The following SCP2 variants were observed in gnomAD, a reference collection of about 807,000 sequenced individuals.
SCP2 encodes SCP-2/3-oxoacyl-CoA thiolase.
A neutral mutation model predicts 71.4 loss-of-function variants in SCP2; 48 were observed. That is an observed-to-expected ratio of 0.67 (90% CI 0.53 to 0.86). The LOEUF is 0.86. Ranked by LOEUF, SCP2 falls within the 40% of genes least tolerant of loss-of-function variation. SCP2 has a pLI of 0.00. For missense variants in SCP2, 560 were observed against 655.6 expected (o/e 0.85, Z 1.59); for synonymous variants, 220 against 218.1 (o/e 1.01, Z -0.08).
chr1:52,950,732 A>G (rs771669573), intron 3 of SCP2, 23 bp from the exon 4 acceptor site: 16 of 1,605,532 alleles, frequency 1.0e-5, no homozygotes, highest in Admixed American at 6.7e-5. Context: ...TCTCCATATT[A>G]AAATTTTTGT....
At chr1:53,025,700 G>A (rs1662081063) in intron 12 of SCP2, among the ~76,000 whole-genome samples, 1 of 152,118 alleles carries the variant, frequency 6.6e-6, no homozygotes, top group Non-Finnish European at 1.5e-5. Context: ...TGTAGTCCAG[G>A]CCACCATCAC....
At chr1:52,974,493 T>C (rs560343411) in intron 6 of SCP2, among the ~76,000 whole-genome samples, 1 of 152,178 alleles carries the variant, frequency 6.6e-6, no homozygotes, top group African/African-American at 2.4e-5. Context: ...GTTTCTTGTT[T>C]TTGAAACTGG....
At chr1:53,022,730 G>C (rs6588450) in intron 12 of SCP2, among the ~76,000 whole-genome samples, 20,869 of 152,106 alleles carry the variant, frequency 0.14, 2,039 homozygotes, top group East Asian at 0.32. Flanking sequence ...TAAGGAGAGA[G>C]AGCCTTGAGT....
Position 52,988,038 on chromosome 1 carries a change from C to T in SCP2, c.983C>T (p.Ala328Val). 1.3e-6 allele frequency: 2 copies of T among 1,550,320 alleles called. No homozygotes were observed. Among genetic ancestry groups the T allele is most frequent in the South Asian group, 1.1e-5 (1 of 89,636 alleles). Reference sequence around the variant, plus strand: ...ATTTTTTCTTCTATAGGACAAGGTGCAACGCTGGTTGATAGAGGAGATAAT... The same window carrying T: ...ATTTTTTCTTCTATAGGACAAGGTGTAACGCTGGTTGATAGAGGAGATAAT... ...ALGLCPEGQG[A>V]TLVDRGDNTY... The change falls in exon 11 of 16, where the codon GCA becomes GTA. Residue 328 changes from alanine (A) to valine (V), a missense_variant. Ala to Val is a moderately conservative substitution (Grantham distance 64). This residue lies in a region of SCP2 where 513 missense variants were observed against 573.1 expected (regional missense o/e 0.90). Coordinates refer to ENST00000371514, the MANE Select transcript of SCP2 (RefSeq NM_002979.5).
chr1:53,031,428 C>T lies in SCP2; in HGVS notation c.1338+3357C>T, dbSNP rs116197074. Among the ~76,000 whole-genome samples the T allele has an allele frequency of 5.4e-3, 815 of 152,310 alleles. 4 individuals carry two copies. The highest frequency in any genetic ancestry group is 0.011 in the African/African-American group (458 of 41,578). On this transcript the variant is annotated intron_variant, in intron 13 of 15. Coordinates refer to ENST00000371514, the MANE Select transcript of SCP2 (RefSeq NM_002979.5). Reference sequence around the variant, plus strand: ...AAAGTCTTGGAATCTTTTGTCAATTCATGCATTTTCTGCATTAGCAAAGGC... The same window carrying T: ...AAAGTCTTGGAATCTTTTGTCAATTTATGCATTTTCTGCATTAGCAAAGGC...
chr1:53,023,540 C>T (rs1661896217), intron 12 of SCP2, among the ~76,000 whole-genome samples: 1 of 152,182 alleles, frequency 6.6e-6, no homozygotes, highest in African/African-American at 2.4e-5. Context: ...TTGCTGGGAA[C>T]TGGCAATACA....
At chr1:52,964,053 A>T (rs935480280) in intron 6 of SCP2, among the ~76,000 whole-genome samples, 2 of 151,860 alleles carry the variant, frequency 1.3e-5, no homozygotes, top group African/African-American at 4.8e-5. Context: ...CTATTTTGTG[A>T]AGGGGAAGGA....
At chr1:52,928,953 T>C (rs1449327726) in intron 1 of SCP2, among the ~76,000 whole-genome samples, 1 of 152,108 alleles carries the variant, frequency 6.6e-6, no homozygotes, top group Non-Finnish European at 1.5e-5. Flanking sequence ...CCTGATTATA[T>C]GTGCTGTATG....
chr1:53,026,694 C>T (rs6588451), intron 12 of SCP2, among the ~76,000 whole-genome samples: 20,880 of 152,100 alleles, frequency 0.14, 2,046 homozygotes, highest in East Asian at 0.33. Context: ...CCTATAGTCC[C>T]AGCTTACTTG....
chr1:52,997,026 T>C (rs932092896), intron 11 of SCP2, among the ~76,000 whole-genome samples: 3 of 152,044 alleles, frequency 2.0e-5, no homozygotes, highest in African/African-American at 7.3e-5. Flanking sequence ...CAAAAATAAA[T>C]GTGAATTGGA....
intron 11 of SCP2, among the ~76,000 whole-genome samples, chr1:53,011,492 T>C (rs1424510432): frequency 6.6e-6 from 1 of 152,226 alleles, no homozygotes; most frequent in Non-Finnish European, 1.5e-5. Context: ...AGCAACCAGA[T>C]TGTATACCCT....
chr1:52,989,304 T>C (rs534592884), intron 11 of SCP2, among the ~76,000 whole-genome samples: 1 of 152,338 alleles, frequency 6.6e-6, no homozygotes, highest in African/African-American at 2.4e-5. Flanking sequence ...GCAAAAATTG[T>C]CAAGATCAAC....
In SCP2 at chr1:52,962,998, CA is replaced by C. The variant is rs200883254; in HGVS notation, c.523+1370del. On this transcript the variant is annotated intron_variant, in intron 6 of 15. Coordinates refer to ENST00000371514, the MANE Select transcript of SCP2 (RefSeq NM_002979.5). ...ATTTTTATTTGTCTTATTTCCTGCA[CA>C]TTGATTGTTAACCTAGAATAGTACC... 4.8e-3 allele frequency among the ~76,000 whole-genome samples: 718 copies of C among 149,614 alleles called. 3 individuals are homozygous for C. In the Middle Eastern group the frequency reaches 0.065, roughly 14 times the overall value.
chr1:52,981,076 C>T (rs894496250), intron 10 of SCP2, among the ~76,000 whole-genome samples: 7 of 152,032 alleles, frequency 4.6e-5, no homozygotes, highest in Admixed American at 2.6e-4. Context: ...GGATTACAGG[C>T]ACCTGCCAAC....
At chr1:52,999,997 A>G (rs1660205705) in intron 11 of SCP2, among the ~76,000 whole-genome samples, 1 of 151,886 alleles carries the variant, frequency 6.6e-6, no homozygotes. Flanking sequence ...TTGTATTTTT[A>G]GTAGAGCTGG....
chr1:53,008,069 A>G (rs890981843), intron 11 of SCP2, among the ~76,000 whole-genome samples: 1 of 152,170 alleles, frequency 6.6e-6, no homozygotes, highest in Non-Finnish European at 1.5e-5. Flanking sequence ...CCCTCCTAAG[A>G]CTAAACGAGG....
At chr1:52,980,227 G>A (rs1658361606) in intron 9 of SCP2, among the ~76,000 whole-genome samples, 169 bp from the exon 10 acceptor site, 1 of 152,154 alleles carries the variant, frequency 6.6e-6, no homozygotes, top group African/African-American at 2.4e-5. Context: ...TCCTGCCTCA[G>A]CTTCCCAAAG....
chr1:53,023,605 G>A (rs1471743224), intron 12 of SCP2, among the ~76,000 whole-genome samples: 2 of 152,120 alleles, frequency 1.3e-5, no homozygotes, highest in South Asian at 2.1e-4. Flanking sequence ...TTGACATTTA[G>A]TAGGGTTTCA....
intron 12 of SCP2, among the ~76,000 whole-genome samples, chr1:53,015,881 T>G (rs139932413): frequency 4.2e-4 from 64 of 152,336 alleles, no homozygotes; most frequent in African/African-American, 1.5e-3. Flanking sequence ...TAAATGAAAT[T>G]GAATAACTTT....
Sources: gnomAD v4.1 joint callset for allele counts (sites outside exome capture counted in the v4.1 genomes callset) on GRCh38, gnomAD v4.1.1 for gene constraint, gnomAD v4.1.1 regional missense constraint, MANE v1.5 for transcripts, NCBI Gene and HGNC (gene_info 2026-07-23, HGNC 2026-07-21) for gene names.